The following C4orf50 variants were observed in gnomAD, a reference collection of about 807,000 sequenced individuals.
The protein encoded by C4orf50 is uncharacterized protein C4orf50.
A neutral mutation model predicts 77.2 loss-of-function variants in C4orf50; 80 were observed. The observed-to-expected ratio is 1.04, with a 90% CI of 0.87 to 1.25. The LOEUF (loss-of-function observed/expected upper bound fraction) is 1.25, where lower values mean the gene tolerates loss of function less well. Ranked by LOEUF, C4orf50 falls within the 50% of genes most tolerant of loss-of-function variation. C4orf50 has a pLI of 0.00. For synonymous variants in C4orf50, 532 were observed against 465.3 expected, an observed-to-expected ratio of 1.14 and a Z score of -1.84; for missense variants, 1,257 against 1,152.9, an observed-to-expected ratio of 1.09 and a Z score of -1.31.
At chr4:5,975,830 A>G in intron 30 of C4orf50, 69 bp downstream of exon 8, 1 of 1,259,220 alleles carries the variant, frequency 7.9e-7, no homozygotes, top group Non-Finnish European at 1.2e-6. Context: ...TACATGTCTA[A>G]CAGGAAAACT....
chr4:6,004,523 GGTGATAGTGATGAGGGTGGTAA>G (rs1722147040), intron 25 of C4orf50, among the ~76,000 whole-genome samples: 1 of 10,318 alleles, frequency 9.7e-5, no homozygotes, highest in African/African-American at 3.3e-4. Context: ...CAATGGTGAT[GGTGATAGTGATGAGGGTGGTAA>G]TGGTGATGAT....
rs1391903425 is a variant in C4orf50 at position 5,969,877 on chromosome 4, G to A, written c.4105-2415C>T. 3.3e-5 allele frequency among the ~76,000 whole-genome samples: 5 copies of A among 152,148 alleles called. No homozygotes were observed. In the East Asian group the frequency reaches 9.7e-4, roughly 29 times the overall value. On this transcript the variant is annotated intron_variant, in intron 31 of 33. Transcript: ENST00000531445. ...CCCAGCTAGGAGCACAGGAAGCTCAGGAGTTCTCTGTTCTCTGACGGGACC... is the reference window on the plus strand; with the variant it reads ...CCCAGCTAGGAGCACAGGAAGCTCAAGAGTTCTCTGTTCTCTGACGGGACC...
chr4:5,959,474 G>C, exon 34 of C4orf50: 2 of 1,614,196 alleles, frequency 1.2e-6, no homozygotes, highest in Non-Finnish European at 1.7e-6. Context: ...CTGGGCTCAG[G>C]AGCTCAGAGG....
chr4:5,988,822 A>G (rs1385932010), exon 28 of C4orf50: 6 of 1,535,962 alleles, frequency 3.9e-6, no homozygotes, highest in Middle Eastern at 3.3e-4. Context: ...TATTCCTAGC[A>G]CGATATCCTT....
chr4:5,917,406 CTTTTTTTTTT>C (rs34928524), intron 7 of C4orf50, among the ~76,000 whole-genome samples: 11,268 of 86,874 alleles, frequency 0.13, 754 homozygotes, highest in African/African-American at 0.25. Context: ...TCCTGTATTT[CTTTTTTTTTT>C]TTTTTTTTTT....
At position 5,992,612 on chromosome 4, in the gene C4orf50, C is replaced by T. The variant is rs540143130; in HGVS notation, c.1221+191G>A. Among the ~76,000 whole-genome samples, 15 of 152,234 alleles carry T rather than the reference C, an allele frequency of 9.9e-5. No individual in the cohort carries two copies. In the East Asian group the frequency reaches 2.9e-3, roughly 29 times the overall value. ...CCAGTTAACCCCCTTCCTCCCCACC[C>T]CCCATCCAGGTCTCAGGATGTTTCA... On this transcript the variant is annotated intron_variant, in intron 27 of 33. Coordinates refer to ENST00000531445, the Ensembl canonical transcript of C4orf50. The surrounding 1 kb of genome is among the most constrained non-coding windows in gnomAD (Gnocchi z 5.0).
At chr4:5,910,348 A>G (rs965653060) in intron 7 of C4orf50, among the ~76,000 whole-genome samples, 2 of 152,234 alleles carry the variant, frequency 1.3e-5, no homozygotes, top group African/African-American at 4.8e-5. Flanking sequence ...CATTTCTCAT[A>G]GGGAATTAAA....
intron 7 of C4orf50, chr4:5,899,520 G>A (rs1716257404): frequency 6.6e-6 from 1 of 152,164 alleles, no homozygotes; most frequent in Non-Finnish European, 1.5e-5. Flanking sequence ...GCCCTCTGAG[G>A]GTAGAGTTAC....
chr4:5,965,639 C>G (rs13105657), intron 32 of C4orf50, among the ~76,000 whole-genome samples: 1 of 151,964 alleles, frequency 6.6e-6, no homozygotes, highest in African/African-American at 2.4e-5. Context: ...AGCAGACCAG[C>G]TAGGATCTGT....
chr4:5,962,080 G>A (rs1484958984), intron 33 of C4orf50, among the ~76,000 whole-genome samples: 1 of 152,226 alleles, frequency 6.6e-6, no homozygotes, highest in Non-Finnish European at 1.5e-5. Flanking sequence ...CAAGACTGCA[G>A]CGAAAATGCA....
At chr4:5,971,606 T>C (rs2108773222) in intron 31 of C4orf50, among the ~76,000 whole-genome samples, 1 of 152,334 alleles carries the variant, frequency 6.6e-6, no homozygotes, top group African/African-American at 2.4e-5. Context: ...TTAAAATAAC[T>C]TTCCCTGCTC....
chr4:5,993,188 T>G (rs918307355), intron 26 of C4orf50, among the ~76,000 whole-genome samples: 2 of 152,142 alleles, frequency 1.3e-5, no homozygotes, highest in African/African-American at 4.8e-5. Context: ...CACAGACTCC[T>G]GCACGGGACA....
chr4:5,973,575 G>A, intron 31 of C4orf50, 84 bp downstream of exon 9: 1 of 1,156,440 alleles, frequency 8.6e-7, no homozygotes. Flanking sequence ...GAAAGGAGGG[G>A]CTGCTCCAGT....
chr4:5,948,517 C>T (rs927660911), intron 7 of C4orf50, among the ~76,000 whole-genome samples: 33 of 152,246 alleles, frequency 2.2e-4, no homozygotes, highest in African/African-American at 7.9e-4. Context: ...ATACAAAAGG[C>T]CGGATGTGGT....
downstream of C4orf50, among the ~76,000 whole-genome samples, chr4:5,952,243 A>G (rs1436616335): frequency 6.6e-6 from 1 of 152,216 alleles, no homozygotes; most frequent in Non-Finnish European, 1.5e-5. This position sits in a 1 kb window ranked among gnomAD's most constrained non-coding sequence, Gnocchi z 4.4. Flanking sequence ...ATAGATGGGT[A>G]GATGATAGAT....
chr4:5,976,312 C>G (rs1577956180), intron 29 of C4orf50, among the ~76,000 whole-genome samples: 1 of 151,870 alleles, frequency 6.6e-6, no homozygotes, highest in Admixed American at 6.6e-5. Context: ...AAAAATTAGC[C>G]AGGTGTGGTG....
intron 7 of C4orf50, among the ~76,000 whole-genome samples, chr4:5,910,599 C>G (rs1014615488): frequency 6.6e-6 from 1 of 152,076 alleles, no homozygotes; most frequent in Non-Finnish European, 1.5e-5. Flanking sequence ...GAAAATGACC[C>G]CACAATAATC....
At chr4:5,987,579 A>T (rs1466473602) in intron 28 of C4orf50, among the ~76,000 whole-genome samples, 1 of 150,402 alleles carries the variant, frequency 6.6e-6, no homozygotes, top group African/African-American at 2.5e-5. Flanking sequence ...GAAGGAAGAG[A>T]GAGACAAAGA....
chr4:6,011,533 G>C lies in C4orf50; in HGVS notation c.426+297C>G, dbSNP rs1274924767. ...TTATCAGTCTCCCCCATCTGCATAA[G>C]AGCTCCGGACCCCAGGAGCCCTGCA... On this transcript the variant is annotated intron_variant, in intron 24 of 33. Coordinates refer to ENST00000531445, the Ensembl canonical transcript of C4orf50. This position sits in a 1 kb window ranked among gnomAD's most constrained non-coding sequence, Gnocchi z 4.2. 6.6e-6 allele frequency among the ~76,000 whole-genome samples: 1 copy of C among 152,032 alleles called. No homozygotes were observed. The highest frequency in any genetic ancestry group is 1.9e-4 in the East Asian group (1 of 5,164).
Sources: gnomAD v4.1 joint callset for allele counts (sites outside exome capture counted in the v4.1 genomes callset) on GRCh38, gnomAD v4.1.1 for gene constraint, Gnocchi (gnomAD v3.1) non-coding constraint, MANE v1.5 for transcripts, NCBI Gene and HGNC (gene_info 2026-07-23, HGNC 2026-07-21) for gene names.